VWC2L: variants seen among roughly 807,000 people sequenced by gnomAD.
VWC2L encodes the protein von Willebrand factor C domain containing 2 like.
Under a neutral mutation model 21.6 loss-of-function variants are expected in VWC2L, and 10 were observed. The ratio of observed to expected loss-of-function variants is 0.46; its 90% CI spans 0.29 to 0.78. The LOEUF (loss-of-function observed/expected upper bound fraction) is 0.78, where lower values mean the gene tolerates loss of function less well. Among genes scored for constraint, VWC2L ranks in the 30% least tolerant of loss-of-function variants. VWC2L has a pLI of 0.10. For synonymous variants in VWC2L, 96 were observed against 94.3 expected (o/e 1.02, Z -0.10); for missense variants, 209 against 277.1 (o/e 0.75, Z 1.74).
chr2:214,575,763 C>G lies in VWC2L; in HGVS notation c.612C>G (p.Asp204Glu), dbSNP rs774809053. 3 of 1,613,430 alleles carry G rather than the reference C, an allele frequency of 1.9e-6. No individual in the cohort carries two copies. Among genetic ancestry groups the G allele is most frequent in the African/African-American group, 1.3e-5 (1 of 74,906 alleles). ...ECNICHCHNG[D>E]WWKPAQCSKR... ...ACATCTGTCATTGTCACAACGGGGACTGGTGGAAGCCTGCTCAGTGTTCGA... is the reference window on the plus strand; with the variant it reads ...ACATCTGTCATTGTCACAACGGGGAGTGGTGGAAGCCTGCTCAGTGTTCGA... Residue 204 changes from aspartate (D) to glutamate (E), a missense_variant, in exon 4 of 4, where the codon GAC (aspartate) becomes GAG (glutamate). Physicochemically the swap from Asp to Glu is conservative, Grantham distance 45. Coordinates refer to ENST00000312504, the MANE Select transcript of VWC2L (RefSeq NM_001080500.4).
chr2:214,500,820 C>A (rs1052448245), intron 3 of VWC2L, among the ~76,000 whole-genome samples: 2 of 152,230 alleles, frequency 1.3e-5, no homozygotes, highest in African/African-American at 4.8e-5. Flanking sequence ...AACCTCCATT[C>A]TCTAACCAAT....
intron 3 of VWC2L, among the ~76,000 whole-genome samples, chr2:214,479,441 AG>A (rs1233369148): frequency 1.3e-5 from 2 of 152,190 alleles, no homozygotes; most frequent in East Asian, 3.9e-4. Flanking sequence ...CCCATCAAAA[AG>A]AAGCAATCAA....
chr2:214,461,454 T>C (rs1171637933), intron 3 of VWC2L, among the ~76,000 whole-genome samples: 1 of 151,864 alleles, frequency 6.6e-6, no homozygotes, highest in South Asian at 2.1e-4. Context: ...ACCAGGTGAG[T>C]GTTGGCAGTA....
chr2:214,563,528 C>T (rs1690009601), intron 3 of VWC2L, among the ~76,000 whole-genome samples: 1 of 113,920 alleles, frequency 8.8e-6, no homozygotes, highest in Non-Finnish European at 1.7e-5. Flanking sequence ...GCCTGGGTGA[C>T]ACAGCAAGAC....
At chr2:214,565,822 G>A (rs1400711158) in intron 3 of VWC2L, among the ~76,000 whole-genome samples, 1 of 152,134 alleles carries the variant, frequency 6.6e-6, no homozygotes, top group Non-Finnish European at 1.5e-5. Flanking sequence ...CAAAAAGGAA[G>A]GAAACTGTAA....
chr2:214,545,311 T>C (rs1689689000), intron 3 of VWC2L, among the ~76,000 whole-genome samples: 1 of 152,176 alleles, frequency 6.6e-6, no homozygotes, highest in African/African-American at 2.4e-5. Flanking sequence ...TTATTCATTG[T>C]TCATCTTTAA....
intron 3 of VWC2L, among the ~76,000 whole-genome samples, chr2:214,501,387 C>A (rs377530642): frequency 2.4e-4 from 36 of 152,160 alleles, no homozygotes; most frequent in African/African-American, 6.5e-4. Flanking sequence ...CGAATCCATA[C>A]CCTTACGTGT....
intron 3 of VWC2L, among the ~76,000 whole-genome samples, chr2:214,526,526 A>C (rs925140017): frequency 1.3e-5 from 2 of 152,230 alleles, no homozygotes; most frequent in African/African-American, 4.8e-5. Context: ...ATCATCACCT[A>C]TATAAGGACA....
intron 3 of VWC2L, among the ~76,000 whole-genome samples, chr2:214,491,784 C>G (rs894691135): frequency 6.6e-6 from 1 of 152,080 alleles, no homozygotes; most frequent in Non-Finnish European, 1.5e-5. Flanking sequence ...GTTACTTAAC[C>G]TCCTGAGTTT....
rs1237978627 is a variant in VWC2L, at chr2:214,568,536, A to G, written c.521-7136A>G. Reference sequence around the variant, plus strand: ...TGGGGAGGCCTCACAATCATGGCAGAAGGTGAAAGAGGAGCAAAGTCACAT... The same window carrying G: ...TGGGGAGGCCTCACAATCATGGCAGGAGGTGAAAGAGGAGCAAAGTCACAT... On this transcript the variant is annotated intron_variant, in intron 3 of 3. Coordinates refer to ENST00000312504, the MANE Select transcript of VWC2L (RefSeq NM_001080500.4). Among the ~76,000 whole-genome samples the G allele has an allele frequency of 6.6e-5, 10 of 152,228 alleles. No individual in the cohort carries two copies. In the East Asian group the frequency reaches 1.9e-3, roughly 29 times the overall value.
intron 3 of VWC2L, among the ~76,000 whole-genome samples, chr2:214,556,500 G>A (rs995276670): frequency 6.6e-6 from 1 of 152,080 alleles, no homozygotes; most frequent in Non-Finnish European, 1.5e-5. Context: ...AACATGAAGG[G>A]TCACACACAG....
intron 3 of VWC2L, chr2:214,510,319 T>C (rs1196998686): frequency 1.3e-5 from 2 of 152,234 alleles, no homozygotes; most frequent in East Asian, 3.8e-4. Context: ...ATTCCCTTTA[T>C]GCATTAATGA....
rs187027708 is a variant in VWC2L, at chr2:214,505,003, T to C, written c.520+68245T>C. On this transcript the variant is annotated intron_variant, in intron 3 of 3. Transcript: ENST00000312504. ...CTTAAAGATATCATAATTAGTTCAATTGAAGATGTCTTGATAGACAGGAAT... is the reference window on the plus strand; with the variant it reads ...CTTAAAGATATCATAATTAGTTCAACTGAAGATGTCTTGATAGACAGGAAT... 1.8e-4 allele frequency among the ~76,000 whole-genome samples: 27 copies of C among 152,314 alleles called. No individual in the cohort carries two copies. The East Asian group carries it at 4.4e-3, about 25-fold the overall frequency.
At chr2:214,519,159 G>A (rs1369936603) in intron 3 of VWC2L, among the ~76,000 whole-genome samples, 1 of 152,208 alleles carries the variant, frequency 6.6e-6, no homozygotes, top group African/African-American at 2.4e-5. Context: ...AGGAAACGCA[G>A]AGATTCATGT....
intron 3 of VWC2L, among the ~76,000 whole-genome samples, chr2:214,453,216 T>C (rs1404644629): frequency 2.0e-5 from 3 of 152,356 alleles, no homozygotes; most frequent in Middle Eastern, 3.4e-3. Context: ...TTTTCATTTA[T>C]GTCCATGATT....
At chr2:214,558,179 T>C (rs1315141371) in intron 3 of VWC2L, among the ~76,000 whole-genome samples, 1 of 152,212 alleles carries the variant, frequency 6.6e-6, no homozygotes, top group East Asian at 1.9e-4. Flanking sequence ...GTATTGCTAT[T>C]TTTTTCCTTC....
chr2:214,572,644 G>A (rs577763300), intron 3 of VWC2L, among the ~76,000 whole-genome samples: 2 of 152,274 alleles, frequency 1.3e-5, no homozygotes, highest in South Asian at 4.1e-4. Context: ...TAAGGAAGAA[G>A]GGCTAAAACC....
intron 3 of VWC2L, among the ~76,000 whole-genome samples, chr2:214,554,291 C>T (rs78511229): frequency 0.016 from 2,406 of 152,250 alleles, 53 homozygotes; most frequent in African/African-American, 0.053. Context: ...CTAAGCCCCT[C>T]AATTGACTGA....
intron 2 of VWC2L, among the ~76,000 whole-genome samples, chr2:214,419,068 G>A (rs1702396920): frequency 6.6e-6 from 1 of 152,190 alleles, no homozygotes; most frequent in Non-Finnish European, 1.5e-5. Flanking sequence ...CACCTGATAG[G>A]AAAACTGATG....
Sources: allele counts gnomAD v4.1 joint callset (sites outside exome capture counted in the v4.1 genomes callset), GRCh38; gene constraint gnomAD v4.1.1; transcripts MANE v1.5; gene names NCBI Gene and HGNC (gene_info 2026-07-23, HGNC 2026-07-21).